The following KLC1 variants were observed in gnomAD, a reference collection of about 807,000 sequenced individuals.
The protein encoded by KLC1 is kinesin light chain 1.
A neutral mutation model predicts 84.2 loss-of-function variants in KLC1; 30 were observed. The ratio of observed to expected loss-of-function variants is 0.36; its 90% CI spans 0.27 to 0.48. The LOEUF (loss-of-function observed/expected upper bound fraction) is 0.48. Among genes scored for constraint, KLC1 ranks in the 20% least tolerant of loss-of-function variants. The probability of loss-of-function intolerance (pLI) is 0.99; values close to 1 mark genes in which losing one functional copy is unlikely to be tolerated. For synonymous variants in KLC1, 289 were observed against 293.3 expected (o/e 0.99, Z 0.15); for missense variants, 499 against 805.4 (o/e 0.62, Z 4.60).
Position 103,687,290 on chromosome 14 carries a change from AC to A in KLC1, c.1781+82del, listed in dbSNP as rs537971390. On this transcript the variant is annotated intron_variant, in intron 14 of 16. Transcript: ENST00000334553. ...TTCTCTTCCTAGCGCAGCCTTCCTC[AC>A]CCACAGACTTGAGGAAAGACACTCC... is the stretch of plus-strand genomic sequence containing the variant. 1.3e-4 allele frequency: 186 copies of A among 1,379,632 alleles called. No individual in the cohort carries two copies. The African/African-American group carries it at 2.5e-3, about 19-fold the overall frequency. The allele number at this position is 1,379,632 out of a possible 1,614,324, so 85.5% of individuals were successfully genotyped here. A position where few individuals can be genotyped will look rare whatever the true frequency, so the allele number is the denominator to read the frequency against.
chr14:103,643,062 T>C (rs896172320), intron 1 of KLC1, among the ~76,000 whole-genome samples: 1 of 152,322 alleles, frequency 6.6e-6, no homozygotes, highest in African/African-American at 2.4e-5. Context: ...TGAGCCTCCA[T>C]GCCCAGCCAA....
chr14:103,682,528 T>C (rs1176815244), intron 13 of KLC1: 1 of 151,274 alleles, frequency 6.6e-6, no homozygotes, highest in Non-Finnish European at 1.5e-5. Flanking sequence ...CTACTAAAAA[T>C]GCAAAAATTA....
At chr14:103,664,998 G>A (rs2079634207) in intron 5 of KLC1, among the ~76,000 whole-genome samples, 1 of 152,040 alleles carries the variant, frequency 6.6e-6, no homozygotes, top group Admixed American at 6.6e-5. Flanking sequence ...CATGGCCTCT[G>A]TCAGTCTTGT....
intron 1 of KLC1, among the ~76,000 whole-genome samples, chr14:103,643,032 A>C (rs1287222216): frequency 6.6e-6 from 1 of 152,128 alleles, no homozygotes; most frequent in Non-Finnish European, 1.5e-5. Flanking sequence ...TGGCCTCCCA[A>C]AGTGTTGGGA....
At chr14:103,695,784 C>T in intron 15 of KLC1, 1 of 985,374 alleles carries the variant, frequency 1.0e-6, no homozygotes, top group African/African-American at 1.7e-5. Context: ...GCTGTGGGAG[C>T]ACTGTGTGTT....
Position 103,673,120 on chromosome 14 carries a change from C to G in KLC1, c.1094C>G (p.Ala365Gly), listed in dbSNP as rs2080556227. 2.5e-6 allele frequency: 4 copies of G among 1,613,618 alleles called. No individual in the cohort carries two copies. The highest frequency in any genetic ancestry group is 1.6e-4 in the Middle Eastern group (1 of 6,078). ...YEEVEYYYQR[A>G]LEIYQTKLGP... is the part of the protein sequence containing the mutation. ...GAAGTAGAATATTATTATCAAAGAG[C>G]CCTCGAGATCTACCAGACAAAACTG... The change falls in exon 8 of 17, where the codon GCC (alanine) becomes GGC (glycine). Residue 365 changes from alanine (A) to glycine (G), a missense_variant. This residue lies in a region of KLC1 where 153 missense variants were observed against 332.4 expected (regional missense o/e 0.46). Coordinates refer to ENST00000334553, the MANE Select transcript of KLC1 (RefSeq NM_001394837.1).
intron 2 of KLC1, among the ~76,000 whole-genome samples, chr14:103,656,772 C>T (rs758471296): frequency 1.4e-3 from 217 of 152,318 alleles, no homozygotes; most frequent in Non-Finnish European, 2.8e-3. Flanking sequence ...GAAAAGGTCC[C>T]ACCTTCTGGA....
chr14:103,677,608 A>G, intron 12 of KLC1, 85 bp downstream of exon 12: 1 of 800,784 alleles, frequency 1.2e-6, no homozygotes, highest in East Asian at 2.5e-5. Flanking sequence ...TGAAAGCTTG[A>G]TTTAGAAATA....
At chr14:103,679,231 C>T in intron 12 of KLC1, 153 bp from the exon 13 acceptor site, 1 of 987,032 alleles carries the variant, frequency 1.0e-6, no homozygotes, top group Non-Finnish European at 1.5e-6. Flanking sequence ...CGCCTCCACC[C>T]TCACCCCCTC....
chr14:103,676,396 A>G (rs1396098052), intron 11 of KLC1, among the ~76,000 whole-genome samples: 3 of 151,982 alleles, frequency 2.0e-5, no homozygotes, highest in African/African-American at 7.3e-5. Flanking sequence ...AGCCTCCCGA[A>G]TAGCTGAGAC....
intron 4 of KLC1, 61 bp from the exon 5 acceptor site, chr14:103,662,641 A>G (rs2079393109): frequency 1.5e-6 from 2 of 1,307,230 alleles, no homozygotes; most frequent in Admixed American, 4.6e-5. Context: ...ATTTTAAAGA[A>G]ACTGACTCAT....
intron 13 of KLC1, chr14:103,684,815 C>G (rs1382295618): frequency 2.1e-5 from 13 of 614,862 alleles, no homozygotes; most frequent in Non-Finnish European, 3.9e-5. Context: ...GTATTATAAA[C>G]TACTGTAGTG....
chr14:103,698,908 G>A, intron 15 of KLC1: 2 of 1,599,204 alleles, frequency 1.3e-6, no homozygotes, highest in Non-Finnish European at 1.7e-6. Flanking sequence ...GTCCGGGCTG[G>A]GCAGCCGAGG....
chr14:103,699,614 A>G (rs971067447), intron 15 of KLC1: 1 of 1,607,270 alleles, frequency 6.2e-7, no homozygotes. Context: ...CTGGTCAGCA[A>G]GTCCCCGCCC....
intron 14 of KLC1, 128 bp downstream of exon 14, chr14:103,687,339 AC>A (rs1302260376): frequency 1.0e-6 from 1 of 962,326 alleles, no homozygotes; most frequent in African/African-American, 1.7e-5. Flanking sequence ...TATTCTCACA[AC>A]CGAAGGGTTT....
chr14:103,685,196 A>AAT lies in KLC1; in HGVS notation c.1651-1885_1651-1884insAT, dbSNP rs1157856995. ...TTTAAAATGGGCTGTAGACTTTTAAAGTCCGTGGTTTCCTAAAGTTTCTGA... is the reference window on the plus strand; with the variant it reads ...TTTAAAATGGGCTGTAGACTTTTAAAATGTCCGTGGTTTCCTAAAGTTTCTGA... On this transcript the variant is annotated intron_variant, in intron 13 of 16. Transcript: ENST00000334553. The AAT allele has an allele frequency of 6.3e-6, 9 of 1,432,970 alleles. No individual in the cohort carries two copies. The African/African-American group carries it at 1.2e-4, about 18-fold the overall frequency. The allele number at this position is 1,432,970 out of a possible 1,614,324, so 88.8% of individuals were successfully genotyped here.
intron 5 of KLC1, among the ~76,000 whole-genome samples, chr14:103,668,973 T>C (rs2080140845): frequency 6.7e-6 from 1 of 148,592 alleles, no homozygotes; most frequent in South Asian, 2.2e-4. Flanking sequence ...AGCGATGGGG[T>C]TTCACCATGT....
At chr14:103,666,647 G>A (rs932446398) in intron 5 of KLC1, among the ~76,000 whole-genome samples, 11 of 150,718 alleles carry the variant, frequency 7.3e-5, no homozygotes, top group Non-Finnish European at 1.3e-4. Context: ...CCCCTGGCTG[G>A]AGTGCAATGG....
At chr14:103,644,095 G>T (rs1326783816) in intron 1 of KLC1, among the ~76,000 whole-genome samples, 1 of 150,996 alleles carries the variant, frequency 6.6e-6, no homozygotes, top group Non-Finnish European at 1.5e-5. Context: ...GGCGCCTGTG[G>T]TCTCAGCTAC....
Sources: gnomAD v4.1 joint callset for allele counts (sites outside exome capture counted in the v4.1 genomes callset) on GRCh38, gnomAD v4.1.1 for gene constraint, gnomAD v4.1.1 regional missense constraint, MANE v1.5 for transcripts, NCBI Gene and HGNC (gene_info 2026-07-23, HGNC 2026-07-21) for gene names.